The following CATSPERT variants were observed in gnomAD, a reference collection of about 807,000 sequenced individuals.
CATSPERT encodes catsper channel auxiliary subunit tau.
At chr2:201,618,141 G>C in the CATSPERT span, among the ~76,000 whole-genome samples, 1 of 152,208 alleles carries the variant, frequency 6.6e-6, no homozygotes, top group Non-Finnish European at 1.5e-5. Context: ...CATTGTGGAA[G>C]ACAGTGTGGC....
chr2:201,507,316 A>C, the CATSPERT span, among the ~76,000 whole-genome samples: 9 of 152,236 alleles, frequency 5.9e-5, no homozygotes, highest in African/African-American at 2.2e-4. Flanking sequence ...CAATCTAATA[A>C]GAAATGAACA....
the CATSPERT span, among the ~76,000 whole-genome samples, chr2:201,588,559 ACAGC>A: frequency 6.7e-6 from 1 of 149,624 alleles, no homozygotes; most frequent in African/African-American, 2.5e-5. Flanking sequence ...GTTGAAACCC[ACAGC>A]CAACATCACA....
chr2:201,489,109 A>C, the CATSPERT span, among the ~76,000 whole-genome samples: 1 of 152,206 alleles, frequency 6.6e-6, no homozygotes, highest in African/African-American at 2.4e-5. Flanking sequence ...AGAAAATCAG[A>C]TGAGTAAGTT....
chr2:201,492,102 T>C, the CATSPERT span: 1 of 1,526,758 alleles, frequency 6.5e-7, no homozygotes, highest in Admixed American at 2.1e-5. Context: ...ATTTCTTTTC[T>C]TTCTCTCGAA....
the CATSPERT span, among the ~76,000 whole-genome samples, chr2:201,519,764 T>A: frequency 3.3e-5 from 5 of 151,910 alleles, no homozygotes; most frequent in African/African-American, 9.7e-5. Flanking sequence ...GAATAAAAAA[T>A]TTCTGAATTT....
chr2:201,547,576 T>G, the CATSPERT span: 14 of 1,545,054 alleles, frequency 9.1e-6, no homozygotes, highest in Non-Finnish European at 1.2e-5. Context: ...ATCCATGTAT[T>G]CAGATTTCTA....
chr2:201,619,001 T>A, the CATSPERT span: 1 of 1,614,004 alleles, frequency 6.2e-7, no homozygotes, highest in Non-Finnish European at 8.5e-7. Context: ...TCCGACCCTT[T>A]AATGTGCATG....
the CATSPERT span, among the ~76,000 whole-genome samples, chr2:201,530,304 G>A: frequency 4.0e-3 from 530 of 132,480 alleles, 4 homozygotes; most frequent in African/African-American, 0.013. Context: ...CTGCATCCCC[G>A]TGTTTACTGT....
At chr2:201,577,208 C>T in the CATSPERT span, among the ~76,000 whole-genome samples, 1 of 151,840 alleles carries the variant, frequency 6.6e-6, no homozygotes, top group Non-Finnish European at 1.5e-5. Flanking sequence ...TGGGTCCCAT[C>T]CTCAAGCTAT....
At chr2:201,600,091 T>C in the CATSPERT span, among the ~76,000 whole-genome samples, 1 of 149,468 alleles carries the variant, frequency 6.7e-6, no homozygotes. Flanking sequence ...ACTGGGCATA[T>C]ACCCAAAGGA....
At chr2:201,572,491 C>G in the CATSPERT span, among the ~76,000 whole-genome samples, 2 of 152,192 alleles carry the variant, frequency 1.3e-5, no homozygotes, top group Non-Finnish European at 2.9e-5. Context: ...ATATCCTATT[C>G]TTTTCCATAC....
chr2:201,513,097 A>T, the CATSPERT span, among the ~76,000 whole-genome samples: 6 of 151,410 alleles, frequency 4.0e-5, no homozygotes, highest in South Asian at 8.3e-4. Flanking sequence ...TAAAATAAAA[A>T]AAAAGAAAAA....
chr2:201,506,624 G>C, the CATSPERT span, among the ~76,000 whole-genome samples: 1 of 152,074 alleles, frequency 6.6e-6, no homozygotes, highest in Non-Finnish European at 1.5e-5. Flanking sequence ...CCTGACCTCG[G>C]CTCACTGCAA....
the CATSPERT span, among the ~76,000 whole-genome samples, chr2:201,586,491 C>T: frequency 6.6e-6 from 1 of 151,982 alleles, no homozygotes; most frequent in Non-Finnish European, 1.5e-5. Context: ...CATACATTAA[C>T]ATTACATATA....
the CATSPERT span, among the ~76,000 whole-genome samples, chr2:201,489,842 G>A: frequency 3.3e-5 from 5 of 150,414 alleles, no homozygotes; most frequent in Admixed American, 6.7e-5. Flanking sequence ...AAGTCTAGTC[G>A]CAGATTTACT....
the CATSPERT span, among the ~76,000 whole-genome samples, chr2:201,507,390 A>G: frequency 1.2e-4 from 18 of 152,320 alleles, no homozygotes; most frequent in African/African-American, 3.4e-4. Context: ...CAAATTTTGT[A>G]AATATATCAA....
chr2:201,520,650 G>A, the CATSPERT span, among the ~76,000 whole-genome samples: 5 of 152,174 alleles, frequency 3.3e-5, no homozygotes, highest in African/African-American at 1.2e-4. Flanking sequence ...CACTTTGGGA[G>A]GCTGAGGCGG....
the CATSPERT span, among the ~76,000 whole-genome samples, chr2:201,598,458 T>C: frequency 6.6e-6 from 1 of 151,980 alleles, no homozygotes; most frequent in African/African-American, 2.4e-5. Context: ...TAAGTTATGA[T>C]GTTCTGGCAT....
the CATSPERT span, among the ~76,000 whole-genome samples, chr2:201,563,291 G>A: frequency 1.8e-4 from 25 of 142,760 alleles, 2 homozygotes; most frequent in African/African-American, 2.9e-4. Flanking sequence ...CTCACCTCCC[G>A]GACGGGGCGG....
Sources: gnomAD v4.1 joint callset for allele counts (sites outside exome capture counted in the v4.1 genomes callset) on GRCh38, gnomAD v4.1.1 for gene constraint, MANE v1.5 for transcripts, NCBI Gene and HGNC (gene_info 2026-07-23, HGNC 2026-07-21) for gene names.